The following SYT1 variants were observed in gnomAD, a reference collection of about 807,000 sequenced individuals.
The protein encoded by SYT1 is synaptotagmin 1.
SYT1 carries 8 observed loss-of-function variants against 44.8 expected under a neutral mutation model. The observed-to-expected ratio is 0.18, with a 90% confidence interval of 0.10 to 0.32. SYT1 has a LOEUF of 0.32. SYT1 is among the 10% of genes least tolerant of loss of function. The probability of loss-of-function intolerance (pLI) is 1.00; values close to 1 mark genes in which losing one functional copy is unlikely to be tolerated. For synonymous variants in SYT1, 154 were observed against 188.8 expected (o/e 0.82, Z 1.51); for missense variants, 286 against 509.3 (o/e 0.56, Z 4.22).
intron 3 of SYT1, among the ~76,000 whole-genome samples, chr12:79,165,921 A>G (rs1483720992): frequency 6.6e-6 from 1 of 151,960 alleles, no homozygotes; most frequent in Non-Finnish European, 1.5e-5. Context: ...ATGGAATTCA[A>G]TTTTTTCTTA....
intron 2 of SYT1, among the ~76,000 whole-genome samples, chr12:78,981,267 A>G (rs1396415901): frequency 6.6e-6 from 1 of 151,486 alleles, no homozygotes; most frequent in Non-Finnish European, 1.5e-5. Flanking sequence ...AGCTGGGATT[A>G]CAGGCGTGAG....
At chr12:78,942,824 A>G (rs1249651158) in intron 1 of SYT1, among the ~76,000 whole-genome samples, 1 of 152,162 alleles carries the variant, frequency 6.6e-6, no homozygotes, top group African/African-American at 2.4e-5. Flanking sequence ...CAGAAAGGAA[A>G]GCCATTCAGC....
At chr12:79,112,580 A>G (rs1020027756) in intron 3 of SYT1, among the ~76,000 whole-genome samples, 2 of 152,126 alleles carry the variant, frequency 1.3e-5, no homozygotes, top group Non-Finnish European at 2.9e-5. Context: ...AAGTAGGGAC[A>G]CTAGTCAAGT....
intron 7 of SYT1, among the ~76,000 whole-genome samples, chr12:79,298,058 A>G (rs1315736683): frequency 6.6e-6 from 1 of 152,162 alleles, no homozygotes; most frequent in Non-Finnish European, 1.5e-5. Context: ...ATGTTTAATC[A>G]CGTGCCCCAG....
intron 4 of SYT1, among the ~76,000 whole-genome samples, chr12:79,264,913 A>G (rs10778565): frequency 0.29 from 44,084 of 152,080 alleles, 6,931 homozygotes; most frequent in East Asian, 0.58. Flanking sequence ...TCAGTTTTTC[A>G]ACAGCAATCT....
intron 4 of SYT1, among the ~76,000 whole-genome samples, chr12:79,267,719 AC>A (rs1205002078): frequency 6.6e-6 from 1 of 152,130 alleles, no homozygotes; most frequent in Non-Finnish European, 1.5e-5. Flanking sequence ...ACCTCTGCCA[AC>A]TTACCTGGCA....
intron 8 of SYT1, among the ~76,000 whole-genome samples, chr12:79,330,817 A>G (rs1382093277): frequency 6.6e-6 from 1 of 152,198 alleles, no homozygotes; most frequent in Non-Finnish European, 1.5e-5. Context: ...ATGAAGGTCC[A>G]TAAGGTTTAA....
At chr12:79,220,795 CTT>C (rs1400508158) in intron 4 of SYT1, among the ~76,000 whole-genome samples, 2 of 152,062 alleles carry the variant, frequency 1.3e-5, no homozygotes, top group African/African-American at 2.4e-5. Flanking sequence ...AAAAAAATAA[CTT>C]GATATAGTTT....
chr12:79,326,667 T>G (rs1881621401), intron 8 of SYT1, among the ~76,000 whole-genome samples: 1 of 152,226 alleles, frequency 6.6e-6, no homozygotes, highest in South Asian at 2.1e-4. Flanking sequence ...CCCACAGATT[T>G]TTTTTCTCTG....
intron 2 of SYT1, among the ~76,000 whole-genome samples, chr12:79,033,900 T>C (rs1872968428): frequency 6.6e-6 from 1 of 151,498 alleles, no homozygotes; most frequent in African/African-American, 2.4e-5. Context: ...TTATAGACTA[T>C]AATTAAGACA....
chr12:79,283,932 T>C (rs1276985713), intron 4 of SYT1, among the ~76,000 whole-genome samples: 2 of 151,844 alleles, frequency 1.3e-5, no homozygotes, highest in Non-Finnish European at 2.9e-5. Flanking sequence ...TGCACAATGA[T>C]ACTAAATGCA....
intron 1 of SYT1, among the ~76,000 whole-genome samples, chr12:78,879,661 C>A (rs981178514): frequency 2.0e-5 from 3 of 151,740 alleles, no homozygotes; most frequent in Non-Finnish European, 2.9e-5. Context: ...TCATAAATAT[C>A]TTTTGAATAT....
chr12:79,234,099 T>TTC lies in SYT1; in HGVS notation c.166+16424_166+16425dup, dbSNP rs920080455. Among the ~76,000 whole-genome samples the TTC allele has an allele frequency of 6.6e-5, 10 of 152,056 alleles. No homozygotes were observed. In the East Asian group the frequency reaches 1.5e-3, roughly 23 times the overall value. On this transcript the variant is annotated intron_variant, in intron 4 of 10. Transcript: ENST00000261205. ...TCTCTTTCTTTCCTTCTAACATTCTTTCTCTCTCTCTGTCTCCTCCAATTG... is the reference window on the plus strand; with the variant it reads ...TCTCTTTCTTTCCTTCTAACATTCTTTCTCTCTCTCTCTGTCTCCTCCAATTG...
chr12:79,273,499 G>A (rs988884591), intron 4 of SYT1, among the ~76,000 whole-genome samples: 9 of 152,284 alleles, frequency 5.9e-5, no homozygotes, highest in African/African-American at 2.2e-4. Flanking sequence ...AGTAGGCAGT[G>A]AGGCAGAAAA....
intron 1 of SYT1, among the ~76,000 whole-genome samples, chr12:78,944,105 A>G (rs1378215386): frequency 1.3e-5 from 2 of 151,940 alleles, no homozygotes; most frequent in Non-Finnish European, 1.5e-5. Flanking sequence ...ATTCTTATAA[A>G]GATTTCAGAA....
intron 1 of SYT1, among the ~76,000 whole-genome samples, chr12:78,945,699 T>C (rs994581311): frequency 1.3e-5 from 2 of 152,080 alleles, no homozygotes; most frequent in Admixed American, 6.6e-5. Context: ...ATTTTGACAA[T>C]GTAATCCAAA....
At chr12:79,298,681 TGAACAGCTGGA>T (rs1290769180) in intron 7 of SYT1, among the ~76,000 whole-genome samples, 2 of 152,200 alleles carry the variant, frequency 1.3e-5, no homozygotes, top group Non-Finnish European at 2.9e-5. Flanking sequence ...CAGATATATT[TGAACAGCTGGA>T]GAATTCATCA....
intron 3 of SYT1, among the ~76,000 whole-genome samples, chr12:79,094,388 TA>T (rs1877984756): frequency 6.6e-6 from 1 of 151,994 alleles, no homozygotes. Flanking sequence ...GTTTTAAAAG[TA>T]TTTAATTCAT....
At chr12:79,229,141 C>A (rs187174508) in intron 4 of SYT1, among the ~76,000 whole-genome samples, 2 of 152,356 alleles carry the variant, frequency 1.3e-5, no homozygotes, top group East Asian at 1.9e-4. Flanking sequence ...GATCTCTTCT[C>A]GGCACTGTGT....
Sources: allele counts gnomAD v4.1 joint callset (sites outside exome capture counted in the v4.1 genomes callset), GRCh38; gene constraint gnomAD v4.1.1; transcripts MANE v1.5; gene names NCBI Gene and HGNC (gene_info 2026-07-23, HGNC 2026-07-21).